Variants in PDE10A observed in about 807,000 individuals in gnomAD.
PDE10A encodes the protein phosphodiesterase 10A.
Under a neutral mutation model 97.7 loss-of-function variants are expected in PDE10A, and 39 were observed. The ratio of observed to expected loss-of-function variants is 0.40; its 90% CI spans 0.31 to 0.52. PDE10A has a LOEUF of 0.52. PDE10A is among the 20% of genes least tolerant of loss of function. The probability of loss-of-function intolerance (pLI) is 0.56; values close to 1 mark genes in which losing one functional copy is unlikely to be tolerated. For synonymous variants in PDE10A, 371 were observed against 376.8 expected, an observed-to-expected ratio of 0.98 and a Z score of 0.18; for missense variants, 731 against 1,047.8, an observed-to-expected ratio of 0.70 and a Z score of 4.17.
intron 3 of PDE10A, among the ~76,000 whole-genome samples, chr6:165,463,862 A>G (rs2128262074): frequency 6.6e-6 from 1 of 152,366 alleles, no homozygotes; most frequent in Admixed American, 6.5e-5. Flanking sequence ...CTTAAGCCAC[A>G]AACAATAGCA....
intron 1 of PDE10A, among the ~76,000 whole-genome samples, chr6:165,880,075 G>C (rs187336901): frequency 6.6e-6 from 1 of 152,304 alleles, no homozygotes; most frequent in East Asian, 1.9e-4. Context: ...AGAATAATTT[G>C]TAGAGGTTTC....
At chr6:165,517,916 A>T (rs192770841) in intron 2 of PDE10A, among the ~76,000 whole-genome samples, 1 of 152,306 alleles carries the variant, frequency 6.6e-6, no homozygotes, top group Non-Finnish European at 1.5e-5. Flanking sequence ...GAGTGATTCC[A>T]TGTGTCCGGT....
chr6:165,687,263 A>G (rs1460775707), intron 1 of PDE10A, among the ~76,000 whole-genome samples: 1 of 152,226 alleles, frequency 6.6e-6, no homozygotes, highest in Admixed American at 6.5e-5. Flanking sequence ...TTTCATATCC[A>G]CGTGAGAAAG....
intron 2 of PDE10A, among the ~76,000 whole-genome samples, chr6:165,499,801 A>T (rs193286803): frequency 6.6e-6 from 1 of 152,338 alleles, no homozygotes. Context: ...TCAGAAGAAA[A>T]TATGTGAAAT....
chr6:165,797,412 A>T (rs910403898), intron 1 of PDE10A, among the ~76,000 whole-genome samples: 16 of 152,140 alleles, frequency 1.1e-4, no homozygotes, highest in African/African-American at 3.4e-4. Context: ...ACGAGTGTGG[A>T]TTTTTTCATA....
chr6:165,868,985 C>A (rs536493672), intron 1 of PDE10A, among the ~76,000 whole-genome samples: 1 of 151,996 alleles, frequency 6.6e-6, no homozygotes, highest in Non-Finnish European at 1.5e-5. Context: ...AAAGCCACAG[C>A]TAACATCATA....
chr6:165,635,512 C>T (rs949995276), intron 1 of PDE10A, among the ~76,000 whole-genome samples: 8 of 152,088 alleles, frequency 5.3e-5, no homozygotes, highest in African/African-American at 1.2e-4. Flanking sequence ...CACGCGTGCA[C>T]GACCATCACA....
chr6:165,664,693 C>G (rs1055383319), upstream of PDE10A, among the ~76,000 whole-genome samples: 1 of 152,192 alleles, frequency 6.6e-6, no homozygotes, highest in Non-Finnish European at 1.5e-5. Flanking sequence ...GAGTCCACTC[C>G]GGTTACTTTG....
chr6:165,724,808 C>A (rs1582996662), intron 1 of PDE10A, among the ~76,000 whole-genome samples: 2 of 152,334 alleles, frequency 1.3e-5, no homozygotes, highest in South Asian at 4.1e-4. Flanking sequence ...AGTCGAGAGA[C>A]TCCTGACCAT....
chr6:165,624,909 G>A (rs900825051), intron 1 of PDE10A, among the ~76,000 whole-genome samples: 12 of 152,224 alleles, frequency 7.9e-5, no homozygotes, highest in African/African-American at 2.7e-4. Context: ...GGGGAGACCC[G>A]TTGGTAGGGA....
intron 2 of PDE10A, among the ~76,000 whole-genome samples, chr6:165,488,816 C>T (rs1380714287): frequency 6.6e-6 from 1 of 152,134 alleles, no homozygotes; most frequent in East Asian, 1.9e-4. Flanking sequence ...CGGCTTTACC[C>T]CACTTTTCTG....
intron 2 of PDE10A, among the ~76,000 whole-genome samples, chr6:165,507,053 G>T (rs1049761236): frequency 6.6e-6 from 1 of 151,516 alleles, no homozygotes; most frequent in Non-Finnish European, 1.5e-5. Context: ...GAGTGTGGTT[G>T]GCTGAAACTA....
intron 18 of PDE10A, among the ~76,000 whole-genome samples, chr6:165,372,851 A>G (rs1784358152): frequency 6.6e-6 from 1 of 151,686 alleles, no homozygotes; most frequent in Non-Finnish European, 1.5e-5. Context: ...ACAGTAACCA[A>G]AACAGCATGG....
At chr6:165,882,153 T>G (rs1172953183) in intron 1 of PDE10A, among the ~76,000 whole-genome samples, 1 of 152,184 alleles carries the variant, frequency 6.6e-6, no homozygotes, top group Non-Finnish European at 1.5e-5. Flanking sequence ...TGATTTCCAC[T>G]CCATGGCCAT....
At chr6:165,925,461 G>A (rs141967064) in intron 1 of PDE10A, among the ~76,000 whole-genome samples, 3 of 152,210 alleles carry the variant, frequency 2.0e-5, no homozygotes, top group South Asian at 2.1e-4. Flanking sequence ...AGCATTTCTT[G>A]TAATAATAAA....
At chr6:165,736,914 C>A (rs1475325249) in intron 1 of PDE10A, among the ~76,000 whole-genome samples, 3 of 151,976 alleles carry the variant, frequency 2.0e-5, no homozygotes, top group Admixed American at 1.3e-4. Flanking sequence ...GTTTAGTTGA[C>A]TAACAAAAAA....
At chr6:165,958,578 A>G (rs1322642621) in intron 1 of PDE10A, among the ~76,000 whole-genome samples, 3 of 30,770 alleles carry the variant, frequency 9.7e-5, no homozygotes, top group African/African-American at 2.4e-4. Flanking sequence ...AGACAGAAAG[A>G]AAGACAGAAA....
intron 2 of PDE10A, among the ~76,000 whole-genome samples, chr6:165,539,797 C>T (rs769521880): frequency 1.8e-4 from 28 of 151,590 alleles, no homozygotes; most frequent in Non-Finnish European, 3.4e-4. Flanking sequence ...CGTGGTGGTG[C>T]GCACCTGTAA....
intron 1 of PDE10A, among the ~76,000 whole-genome samples, chr6:165,710,513 G>A (rs1225944962): frequency 1.3e-5 from 2 of 152,130 alleles, no homozygotes; most frequent in African/African-American, 4.8e-5. Context: ...AAAGAGGGTC[G>A]TCACTTTCTC....
Sources: allele counts gnomAD v4.1 joint callset (sites outside exome capture counted in the v4.1 genomes callset), GRCh38; gene constraint gnomAD v4.1.1; transcripts MANE v1.5; gene names NCBI Gene and HGNC (gene_info 2026-07-23, HGNC 2026-07-21).